The following ADGRL3 variants were observed in gnomAD, a reference collection of about 807,000 sequenced individuals.
The protein encoded by ADGRL3 is adhesion G protein-coupled receptor L3.
A neutral mutation model predicts 153.5 loss-of-function variants in ADGRL3; 62 were observed. The observed-to-expected ratio is 0.40, with a 90% CI of 0.33 to 0.50. The LOEUF (loss-of-function observed/expected upper bound fraction) is 0.50. Among genes scored for constraint, ADGRL3 ranks in the 20% least tolerant of loss-of-function variants. ADGRL3 has a pLI of 0.47. For synonymous variants in ADGRL3, 710 were observed against 672.5 expected, an observed-to-expected ratio of 1.06 and a Z score of -0.86; for missense variants, 1,641 against 1,859.4, an observed-to-expected ratio of 0.88 and a Z score of 2.16.
chr4:61,802,958 T>G (rs2097516485), intron 8 of ADGRL3, among the ~76,000 whole-genome samples: 1 of 152,074 alleles, frequency 6.6e-6, no homozygotes, highest in African/African-American at 2.4e-5. Context: ...AGCTAATATA[T>G]CTATCAGATA....
intron 8 of ADGRL3, among the ~76,000 whole-genome samples, chr4:61,798,598 G>GTTTGTTTA (rs1277536103): frequency 8.4e-4 from 126 of 150,506 alleles, no homozygotes; most frequent in African/African-American, 3.0e-3. Context: ...TTATTTGTTT[G>GTTTGTTTA]TTTATTTATT....
chr4:62,037,386 T>G (rs2151586010), intron 23 of ADGRL3, among the ~76,000 whole-genome samples: 1 of 152,174 alleles, frequency 6.6e-6, no homozygotes, highest in East Asian at 1.9e-4. Context: ...ACAGGCTACT[T>G]TATATCAAAT....
chr4:61,433,576 T>C (rs1217113989), intron 2 of ADGRL3, among the ~76,000 whole-genome samples: 1 of 152,224 alleles, frequency 6.6e-6, no homozygotes, highest in East Asian at 1.9e-4. Context: ...TATTTGCATT[T>C]ATTCCTTTCC....
At chr4:61,875,190 CTTCT>C (rs2098468373) in intron 9 of ADGRL3, among the ~76,000 whole-genome samples, 1 of 152,194 alleles carries the variant, frequency 6.6e-6, no homozygotes, top group Admixed American at 6.5e-5. Flanking sequence ...CTTTGTCACT[CTTCT>C]TTCTGTTTCA....
chr4:61,801,800 C>A (rs2097500783), intron 8 of ADGRL3, among the ~76,000 whole-genome samples: 1 of 152,104 alleles, frequency 6.6e-6, no homozygotes, highest in African/African-American at 2.4e-5. Flanking sequence ...ATTATCAAGA[C>A]ACAACAGTAC....
chr4:61,823,461 C>T (rs1259598874), intron 9 of ADGRL3, among the ~76,000 whole-genome samples: 4 of 152,074 alleles, frequency 2.6e-5, no homozygotes, highest in African/African-American at 9.7e-5. Context: ...TAGGATTTTC[C>T]ATAGATATCA....
At chr4:61,778,153 C>T (rs1362329091) in intron 8 of ADGRL3, among the ~76,000 whole-genome samples, 1 of 152,122 alleles carries the variant, frequency 6.6e-6, no homozygotes, top group African/African-American at 2.4e-5. Context: ...ATAAAATTAC[C>T]TTCAGGCTGT....
intron 1 of ADGRL3, among the ~76,000 whole-genome samples, chr4:61,263,363 T>G (rs2092660333): frequency 6.6e-6 from 1 of 151,632 alleles, no homozygotes; most frequent in African/African-American, 2.4e-5. Flanking sequence ...AGGCTATTCC[T>G]AATGGGGAGA....
intron 5 of ADGRL3, among the ~76,000 whole-genome samples, chr4:61,674,350 A>T (rs1236871333): frequency 1.3e-5 from 2 of 151,702 alleles, no homozygotes; most frequent in African/African-American, 2.4e-5. Context: ...TAGTAAGCTG[A>T]TCTGTTTATA....
intron 9 of ADGRL3, among the ~76,000 whole-genome samples, chr4:61,848,005 T>A (rs2098152834): frequency 8.4e-5 from 1 of 11,838 alleles, no homozygotes; most frequent in Non-Finnish European, 1.4e-4. Flanking sequence ...TAATATAAAA[T>A]ATATTATATA....
chr4:61,255,114 T>C (rs1413577386), intron 1 of ADGRL3, among the ~76,000 whole-genome samples: 1 of 152,198 alleles, frequency 6.6e-6, no homozygotes, highest in Non-Finnish European at 1.5e-5. Context: ...GACATTAGAA[T>C]GACATCTCCT....
intron 1 of ADGRL3, among the ~76,000 whole-genome samples, chr4:61,377,131 C>A (rs2096612943): frequency 6.6e-6 from 1 of 152,016 alleles, no homozygotes; most frequent in African/African-American, 2.4e-5. Context: ...CCTTTACCTT[C>A]CCTATCATAT....
At chr4:61,242,660 T>C (rs1254965261) in intron 1 of ADGRL3, among the ~76,000 whole-genome samples, 1 of 152,008 alleles carries the variant, frequency 6.6e-6, no homozygotes, top group East Asian at 1.9e-4. Flanking sequence ...GAATTAGCAG[T>C]GCAGAAAACA....
At chr4:61,261,195 T>G (rs115936688) in intron 1 of ADGRL3, among the ~76,000 whole-genome samples, 51,382 of 146,218 alleles carry the variant, frequency 0.35, 9,427 homozygotes, top group Non-Finnish European at 0.42. Context: ...TCTTCTTTTT[T>G]TTTTTTTTTT....
intron 1 of ADGRL3, among the ~76,000 whole-genome samples, chr4:61,252,884 A>G (rs911188170): frequency 3.3e-5 from 5 of 152,184 alleles, no homozygotes; most frequent in Admixed American, 6.5e-5. Flanking sequence ...AATACCTTAC[A>G]TAGGCTCATG....
chr4:61,795,077 A>G (rs2097393102), intron 8 of ADGRL3, among the ~76,000 whole-genome samples: 1 of 152,242 alleles, frequency 6.6e-6, no homozygotes, highest in African/African-American at 2.4e-5. Context: ...TTACCTATCA[A>G]GTAAAACAAT....
chr4:61,879,892 T>A (rs574955042), intron 9 of ADGRL3, among the ~76,000 whole-genome samples: 19 of 152,098 alleles, frequency 1.2e-4, no homozygotes, highest in South Asian at 1.2e-3. Context: ...GCTAATTTTT[T>A]AAAAAATTTT....
At chr4:61,316,312 C>T (rs1216508081) in intron 1 of ADGRL3, among the ~76,000 whole-genome samples, 2 of 152,092 alleles carry the variant, frequency 1.3e-5, no homozygotes, top group African/African-American at 4.8e-5. Context: ...GTGTGGCTGG[C>T]ATTTAGTATG....
chr4:61,799,968 CCA>C (rs2097471414), intron 8 of ADGRL3, among the ~76,000 whole-genome samples: 1 of 152,148 alleles, frequency 6.6e-6, no homozygotes, highest in Non-Finnish European at 1.5e-5. Context: ...TATATCCAGG[CCA>C]CAGAGTTCAT....
Sources: gnomAD v4.1 joint callset for allele counts (sites outside exome capture counted in the v4.1 genomes callset) on GRCh38, gnomAD v4.1.1 for gene constraint, MANE v1.5 for transcripts, NCBI Gene and HGNC (gene_info 2026-07-23, HGNC 2026-07-21) for gene names.